Variants in ENTPD1 observed in about 807,000 individuals in gnomAD.
ENTPD1 encodes ATP diphosphohydrolase.
A neutral mutation model predicts 57.0 loss-of-function variants in ENTPD1; 33 were observed. The observed-to-expected ratio is 0.58, with a 90% confidence interval of 0.44 to 0.77. The LOEUF (loss-of-function observed/expected upper bound fraction) is 0.77, where lower values mean the gene tolerates loss of function less well. Ranked by LOEUF, ENTPD1 falls within the 30% of genes least tolerant of loss-of-function variation. ENTPD1 has a pLI of 0.00. For synonymous variants in ENTPD1, 202 were observed against 218.8 expected (o/e 0.92, Z 0.68); for missense variants, 501 against 603.4 (o/e 0.83, Z 1.78).
intron 1 of ENTPD1, among the ~76,000 whole-genome samples, chr10:95,805,189 T>C (rs1294877222): frequency 6.6e-6 from 1 of 152,236 alleles, no homozygotes; most frequent in Non-Finnish European, 1.5e-5. Flanking sequence ...TGGGTGCATA[T>C]ATACTTAGGA....
chr10:95,767,330 A>AG lies in ENTPD1; in HGVS notation c.16+11075_16+11076insG, dbSNP rs1160938559. 5.9e-4 allele frequency among the ~76,000 whole-genome samples: 87 copies of AG among 148,238 alleles called. 1 individual carries two copies. The highest frequency in any genetic ancestry group is 8.4e-4 in the South Asian group (4 of 4,752). On this transcript the variant is annotated intron_variant, in intron 1 of 9. Transcript: ENST00000371205. ...ACTCCATCTCAAAAAAAAAAAAAAAAAAAGAAAGAAAAAAGGAAAGCAAAA... is the reference window on the plus strand; with the variant it reads ...ACTCCATCTCAAAAAAAAAAAAAAAAGAAAGAAAGAAAAAAGGAAAGCAAAA...
rs1431053315 is a variant in ENTPD1, at chr10:95,868,834, G to A, written c.*2451G>A. 3.0e-6 allele frequency: 3 copies of A among 984,868 alleles called. No homozygotes were observed. The highest frequency in any genetic ancestry group is 4.7e-5 in the South Asian group (1 of 21,270). 61.0% of individuals were successfully genotyped at this position (984,868 alleles called of 1,614,324 possible). Reference sequence around the variant, plus strand: ...ATTCCATTCCTGTTTGGTTGCCTACGTCCAATCTCCCCCTCCCCAGAGATG... The same window carrying A: ...ATTCCATTCCTGTTTGGTTGCCTACATCCAATCTCCCCCTCCCCAGAGATG... On this transcript the variant is annotated 3_prime_UTR_variant, in exon 10 of 10. Coordinates refer to ENST00000371205, the MANE Select transcript of ENTPD1 (RefSeq NM_001776.6).
At chr10:95,737,033 C>T (rs1055457191) in intron 1 of ENTPD1, among the ~76,000 whole-genome samples, 2 of 152,190 alleles carry the variant, frequency 1.3e-5, no homozygotes, top group Non-Finnish European at 2.9e-5. Flanking sequence ...AACTAAGCCA[C>T]TTTCTACAAT....
At chr10:95,725,406 C>T (rs1044954057) in intron 1 of ENTPD1, among the ~76,000 whole-genome samples, 9 of 152,070 alleles carry the variant, frequency 5.9e-5, no homozygotes, top group African/African-American at 1.9e-4. Context: ...CTTTGCATAT[C>T]TAGTGATTTT....
In ENTPD1 at chr10:95,869,808, G is replaced by A; in HGVS notation, c.*3425G>A. The stretch of plus-strand genomic sequence containing the variant: ...GCAACTAAATCCAAAATACTATCAA[G>A]GAATCAATATAAAAATTGTTAATAT... On this transcript the variant is annotated 3_prime_UTR_variant, in exon 10 of 10. Coordinates refer to ENST00000371205, the MANE Select transcript of ENTPD1 (RefSeq NM_001776.6). The A allele has an allele frequency of 9.8e-6, 7 of 711,288 alleles. No individual in the cohort carries two copies. The highest frequency in any genetic ancestry group is 1.2e-5 in the Non-Finnish European group (7 of 580,066). The allele number at this position is 711,288 out of a possible 1,614,324, so 44.1% of individuals were successfully genotyped here. A position where few individuals can be genotyped will look rare whatever the true frequency, so the allele number is the denominator to read the frequency against.
chr10:95,749,837 G>T (rs1338310620), intron 1 of ENTPD1, among the ~76,000 whole-genome samples: 1 of 152,194 alleles, frequency 6.6e-6, no homozygotes, highest in Non-Finnish European at 1.5e-5. Flanking sequence ...GAGCAAAAGA[G>T]TTCCATAATC....
Position 95,876,159 on chromosome 10 carries a change from C to T in ENTPD1, c.*9776C>T. 1.0e-6 allele frequency: 1 copy of T among 984,948 alleles called. No individual in the cohort carries two copies. The allele number at this position is 984,948 out of a possible 1,614,324, so 61.0% of individuals were successfully genotyped here. ...CAGATTCCCAGTTTTGAAAATGCAA[C>T]ATTTGTACTCCACATTGTCAGTTTT... is the stretch of plus-strand genomic sequence containing the variant. On this transcript the variant is annotated 3_prime_UTR_variant, in exon 10 of 10. Coordinates refer to ENST00000371205, the MANE Select transcript of ENTPD1 (RefSeq NM_001776.6).
At chr10:95,787,657 T>G (rs1447059509) in intron 1 of ENTPD1, among the ~76,000 whole-genome samples, 1 of 152,178 alleles carries the variant, frequency 6.6e-6, no homozygotes, top group Non-Finnish European at 1.5e-5. Flanking sequence ...TGTAGACTGT[T>G]GATGCAGTAT....
chr10:95,845,746 G>C, intron 6 of ENTPD1, 150 bp downstream of exon 6: 1 of 1,313,848 alleles, frequency 7.6e-7, no homozygotes, highest in Non-Finnish European at 1.1e-6. Flanking sequence ...AACTACATCT[G>C]GTTGACCCCT....
upstream of ENTPD1, among the ~76,000 whole-genome samples, chr10:95,708,218 ATT>A (rs35550452): frequency 1.8e-4 from 26 of 147,832 alleles, no homozygotes; most frequent in Non-Finnish European, 2.9e-4. Context: ...TTTTTATTTT[ATT>A]TTTTTTTTTT....
At chr10:95,820,698 A>T (rs2098347057) in intron 1 of ENTPD1, among the ~76,000 whole-genome samples, 2 of 152,074 alleles carry the variant, frequency 1.3e-5, no homozygotes, top group Admixed American at 1.3e-4. Flanking sequence ...CTTTCCCTTC[A>T]TTCCCAATTC....
chr10:95,876,755 C>T lies in ENTPD1; in HGVS notation c.*10372C>T. 1.5e-6 allele frequency: 1 copy of T among 683,160 alleles called. No individual in the cohort carries two copies. The highest frequency in any genetic ancestry group is 7.3e-5 in the South Asian group (1 of 13,630). The allele number at this position is 683,160 out of a possible 1,614,324, so 42.3% of individuals were successfully genotyped here. ...ATATAATACACATCCATGTGCCCAT[C>T]ACAGAACTTCACTGATTATCATCAT... On this transcript the variant is annotated 3_prime_UTR_variant, in exon 10 of 10. Transcript: ENST00000371205.
At chr10:95,792,573 C>A (rs1392027621) in intron 1 of ENTPD1, among the ~76,000 whole-genome samples, 1 of 152,176 alleles carries the variant, frequency 6.6e-6, no homozygotes, top group Admixed American at 6.5e-5. Context: ...ACAGAGGGAA[C>A]TGCATGATTG....
intron 4 of ENTPD1, among the ~76,000 whole-genome samples, chr10:95,842,740 G>C (rs1335567095): frequency 2.0e-5 from 3 of 152,140 alleles, no homozygotes; most frequent in African/African-American, 4.8e-5. Context: ...GGATTCAAAG[G>C]GGAAGGGGCA....
chr10:95,800,291 A>C (rs2098243644), intron 1 of ENTPD1, among the ~76,000 whole-genome samples: 1 of 152,162 alleles, frequency 6.6e-6, no homozygotes, highest in Non-Finnish European at 1.5e-5. Flanking sequence ...CAAAACCAGC[A>C]AGTTTTTATT....
intron 7 of ENTPD1, among the ~76,000 whole-genome samples, chr10:95,855,135 T>C (rs1269224676): frequency 6.6e-6 from 1 of 152,200 alleles, no homozygotes; most frequent in East Asian, 1.9e-4. Context: ...ATTGGGTGCA[T>C]ATATATTTAG....
chr10:95,734,987 C>A (rs2097993047), intron 1 of ENTPD1, among the ~76,000 whole-genome samples: 1 of 149,516 alleles, frequency 6.7e-6, no homozygotes, highest in Non-Finnish European at 1.5e-5. Flanking sequence ...TACATTGAAT[C>A]TGTATTTCCT....
upstream of ENTPD1, chr10:95,755,940 A>C: frequency 6.8e-7 from 1 of 1,479,204 alleles, no homozygotes; most frequent in East Asian, 2.5e-5. Flanking sequence ...AAAGAGAGAG[A>C]GATTTGAATA....
intron 2 of ENTPD1, chr10:95,839,299 C>T (rs986787582): frequency 1.8e-5 from 5 of 274,778 alleles, no homozygotes; most frequent in African/African-American, 4.4e-5. Context: ...AGGTGATTCC[C>T]GTATGATTCC....
Sources: allele counts gnomAD v4.1 joint callset (sites outside exome capture counted in the v4.1 genomes callset), GRCh38; gene constraint gnomAD v4.1.1; transcripts MANE v1.5; gene names NCBI Gene and HGNC (gene_info 2026-07-23, HGNC 2026-07-21).